The following B3GAT2 variants were observed in gnomAD, a reference collection of about 807,000 sequenced individuals.
B3GAT2 encodes the protein galactosylgalactosylxylosylprotein 3-beta-glucuronosyltransferase 2.
In B3GAT2, 26 loss-of-function variants were observed where a neutral mutation model predicts 27.8. That is an observed-to-expected ratio of 0.93 (90% CI 0.68 to 1.30). B3GAT2 has a LOEUF of 1.30. Among genes scored for constraint, B3GAT2 ranks in the 50% most tolerant of loss-of-function variants. B3GAT2 has a pLI of 0.00. For missense variants in B3GAT2, 458 were observed against 459.0 expected, an observed-to-expected ratio of 1.00 and a Z score of 0.02; for synonymous variants, 218 against 195.1, an observed-to-expected ratio of 1.12 and a Z score of -0.98.
chr6:70,863,974 C>T (rs1286657750), intron 2 of B3GAT2, among the ~76,000 whole-genome samples: 5 of 151,704 alleles, frequency 3.3e-5, no homozygotes, highest in South Asian at 4.2e-4. Context: ...AAATTGATAA[C>T]GTAGTGTCCT....
intron 1 of B3GAT2, among the ~76,000 whole-genome samples, chr6:70,938,166 T>G (rs1256568049): frequency 6.7e-6 from 1 of 149,754 alleles, no homozygotes; most frequent in Non-Finnish European, 1.5e-5. Context: ...GCTTCAAAGA[T>G]AATAAAATAC....
At chr6:70,896,904 C>CT (rs756196392) in intron 1 of B3GAT2, among the ~76,000 whole-genome samples, 8 of 152,072 alleles carry the variant, frequency 5.3e-5, no homozygotes, top group South Asian at 4.2e-4. Context: ...ATTTCTTTCT[C>CT]TTTTTTTTAA....
intron 1 of B3GAT2, among the ~76,000 whole-genome samples, chr6:70,906,337 T>C (rs1333135304): frequency 6.6e-6 from 1 of 152,030 alleles, no homozygotes; most frequent in East Asian, 1.9e-4. Flanking sequence ...GAGCATTCTC[T>C]CATAGCAATT....
At chr6:70,894,797 G>C (rs140579510) in intron 1 of B3GAT2, among the ~76,000 whole-genome samples, 1 of 152,268 alleles carries the variant, frequency 6.6e-6, no homozygotes, top group African/African-American at 2.4e-5. Flanking sequence ...TTCTTCCAGA[G>C]TGATAAAAAG....
chr6:70,943,189 A>G (rs1469374086), intron 1 of B3GAT2, among the ~76,000 whole-genome samples: 1 of 152,188 alleles, frequency 6.6e-6, no homozygotes, highest in East Asian at 1.9e-4. Flanking sequence ...AAAAAGACTC[A>G]ACCAATGATT....
chr6:70,911,955 G>GT (rs1772695304), intron 1 of B3GAT2, among the ~76,000 whole-genome samples: 1 of 152,120 alleles, frequency 6.6e-6, no homozygotes, highest in Non-Finnish European at 1.5e-5. Flanking sequence ...CTTGGATGTT[G>GT]TTAGTGTAAA....
Position 70,860,757 on chromosome 6 carries a change from A to T in B3GAT2, c.*906T>A, listed in dbSNP as rs1381317918. ...ACTGTATGATCAAATGTTTAATCATATAAATAGAATGTAAATGTCTCACTG... is the reference window on the plus strand; with the variant it reads ...ACTGTATGATCAAATGTTTAATCATTTAAATAGAATGTAAATGTCTCACTG... On this transcript the variant is annotated 3_prime_UTR_variant, in exon 4 of 4. Transcript: ENST00000230053. 2.5e-6 allele frequency: 1 copy of T among 399,860 alleles called. No individual in the cohort carries two copies. The highest frequency in any genetic ancestry group is 4.4e-6 in the Non-Finnish European group (1 of 226,644). 24.8% of individuals were successfully genotyped at this position (399,860 alleles called of 1,614,324 possible).
rs568814552 is a variant in B3GAT2, at chr6:70,947,654, A to G, written c.591+8185T>C. Among the ~76,000 whole-genome samples, 696 of 151,272 alleles carry G rather than the reference A, an allele frequency of 4.6e-3. 5 individuals carry two copies. Among genetic ancestry groups the G allele is most frequent in the African/African-American group, 0.016 (657 of 41,388 alleles). ...CACAGCCGAATTCTACCAGAGGTACAAGGAGGAACTGGTACCATTCCTTCT... is the reference window on the plus strand; with the variant it reads ...CACAGCCGAATTCTACCAGAGGTACGAGGAGGAACTGGTACCATTCCTTCT... On this transcript the variant is annotated intron_variant, in intron 1 of 3. Transcript: ENST00000230053.
At chr6:70,870,655 A>C (rs975088467) in intron 2 of B3GAT2, among the ~76,000 whole-genome samples, 6 of 151,370 alleles carry the variant, frequency 4.0e-5, no homozygotes, top group Admixed American at 6.6e-5. Flanking sequence ...AACAAACAAA[A>C]AAACAGTTAT....
intron 2 of B3GAT2, among the ~76,000 whole-genome samples, chr6:70,874,705 C>T (rs532450613): frequency 3.3e-5 from 5 of 152,120 alleles, no homozygotes; most frequent in African/African-American, 7.2e-5. Flanking sequence ...TTTTGACAAA[C>T]GCCCCCAGGG....
intron 1 of B3GAT2, among the ~76,000 whole-genome samples, chr6:70,911,887 G>GT (rs551054970): frequency 3.3e-5 from 5 of 152,202 alleles, no homozygotes; most frequent in South Asian, 2.1e-4. Flanking sequence ...GTATGCGTAG[G>GT]TATTTTATTT....
intron 2 of B3GAT2, 22 bp from the exon 3 acceptor site, chr6:70,862,000 AAAAG>A (rs769501254): frequency 5.7e-6 from 9 of 1,566,858 alleles, no homozygotes; most frequent in African/African-American, 2.8e-5. Context: ...ATAAAAAAAA[AAAAG>A]AGACTTTAAA....
chr6:70,939,433 A>G (rs997681816), intron 1 of B3GAT2, among the ~76,000 whole-genome samples: 3 of 151,046 alleles, frequency 2.0e-5, no homozygotes, highest in African/African-American at 7.3e-5. Context: ...TGCTGCTATA[A>G]AGACACATGC....
intron 1 of B3GAT2, among the ~76,000 whole-genome samples, chr6:70,929,424 T>C (rs889938865): frequency 2.4e-4 from 36 of 152,166 alleles, no homozygotes; most frequent in African/African-American, 8.4e-4. Flanking sequence ...TGTTTGCAGA[T>C]GACATGACTG....
intron 1 of B3GAT2, among the ~76,000 whole-genome samples, chr6:70,923,057 G>A (rs781693974): frequency 3.3e-5 from 5 of 152,132 alleles, no homozygotes; most frequent in Non-Finnish European, 5.9e-5. Flanking sequence ...AAAGGACTAT[G>A]GTTCTGCTAC....
At chr6:70,898,690 C>A (rs1176638353) in intron 1 of B3GAT2, among the ~76,000 whole-genome samples, 1 of 152,188 alleles carries the variant, frequency 6.6e-6, no homozygotes, top group Non-Finnish European at 1.5e-5. Flanking sequence ...GGTGGGCAGA[C>A]CCCATCTGAC....
rs1582393924 is a variant in B3GAT2, at chr6:70,938,164, G to C, written c.591+17675C>G. Among the ~76,000 whole-genome samples the C allele has an allele frequency of 2.0e-5, 3 of 150,096 alleles. No homozygotes were observed. The East Asian group carries it at 5.9e-4, about 29-fold the overall frequency. On this transcript the variant is annotated intron_variant, in intron 1 of 3. Transcript: ENST00000230053. Reference sequence around the variant, plus strand: ...AACTCCCATGCACAATTGCTTCAAAGATAATAAAATACTTAGGAATCCAAC... The same window carrying C: ...AACTCCCATGCACAATTGCTTCAAACATAATAAAATACTTAGGAATCCAAC...
At chr6:70,867,818 A>G (rs1488106181) in intron 2 of B3GAT2, among the ~76,000 whole-genome samples, 1 of 152,172 alleles carries the variant, frequency 6.6e-6, no homozygotes, top group Non-Finnish European at 1.5e-5. Flanking sequence ...TTATCCTGTA[A>G]GACCAGCATT....
At chr6:70,948,090 A>T (rs529727064) in intron 1 of B3GAT2, among the ~76,000 whole-genome samples, 1 of 151,086 alleles carries the variant, frequency 6.6e-6, no homozygotes, top group East Asian at 2.0e-4. Flanking sequence ...TCAAAATAAT[A>T]AGAGCTATCT....
Sources: gnomAD v4.1 joint callset for allele counts (sites outside exome capture counted in the v4.1 genomes callset) on GRCh38, gnomAD v4.1.1 for gene constraint, MANE v1.5 for transcripts, NCBI Gene and HGNC (gene_info 2026-07-23, HGNC 2026-07-21) for gene names.